THSD7B: variants seen among roughly 807,000 people sequenced by gnomAD.
THSD7B encodes thrombospondin type 1 domain containing 7B.
In THSD7B, 138 loss-of-function variants were observed where a neutral mutation model predicts 213.6. The observed-to-expected ratio is 0.65, with a 90% CI of 0.56 to 0.74. The LOEUF (loss-of-function observed/expected upper bound fraction) is 0.74, where lower values mean the gene tolerates loss of function less well. THSD7B is among the 30% of genes least tolerant of loss of function. The pLI is 0.00. For synonymous variants in THSD7B, 742 were observed against 687.0 expected, an observed-to-expected ratio of 1.08 and a Z score of -1.25; for missense variants, 1,931 against 1,991.5, an observed-to-expected ratio of 0.97 and a Z score of 0.58.
At chr2:137,340,013 T>C (rs1342603509) in intron 12 of THSD7B, among the ~76,000 whole-genome samples, 1 of 151,826 alleles carries the variant, frequency 6.6e-6, no homozygotes, top group East Asian at 1.9e-4. Context: ...AGGATTGTTT[T>C]GATATGGAAA....
chr2:136,794,839 C>T (rs1682033161), intron 1 of THSD7B, among the ~76,000 whole-genome samples: 1 of 151,626 alleles, frequency 6.6e-6, no homozygotes, highest in Admixed American at 6.6e-5. Flanking sequence ...TATTTTTTTC[C>T]CTCAGATTAA....
intron 12 of THSD7B, among the ~76,000 whole-genome samples, chr2:137,405,198 C>CAAAAAAAAAAAAAAAA (rs34776165): frequency 7.1e-6 from 1 of 140,316 alleles, no homozygotes; most frequent in Non-Finnish European, 1.5e-5. Context: ...TCTAAACAAG[C>CAAAAAAAAAAAAAAAA]AAAAAAAAAA....
intron 5 of THSD7B, among the ~76,000 whole-genome samples, chr2:137,151,482 TCTC>T (rs1679817377): frequency 1.3e-5 from 2 of 151,182 alleles, no homozygotes; most frequent in Admixed American, 1.3e-4. Flanking sequence ...GGAGCTGCTA[TCTC>T]CTCTGTTAAC....
chr2:137,543,017 A>G (rs1680637659), intron 15 of THSD7B, among the ~76,000 whole-genome samples: 1 of 151,758 alleles, frequency 6.6e-6, no homozygotes, highest in African/African-American at 2.4e-5. Flanking sequence ...GCTAAAGTCA[A>G]GGTGTTGGTA....
At chr2:137,396,872 G>T (rs994063135) in intron 12 of THSD7B, among the ~76,000 whole-genome samples, 5 of 151,354 alleles carry the variant, frequency 3.3e-5, no homozygotes, top group Non-Finnish European at 7.4e-5. Flanking sequence ...TATATATTTA[G>T]GATAGTTAGC....
intron 4 of THSD7B, among the ~76,000 whole-genome samples, chr2:137,095,453 C>T (rs1688023273): frequency 6.6e-6 from 1 of 152,160 alleles, no homozygotes; most frequent in South Asian, 2.1e-4. Flanking sequence ...CCTGACACAA[C>T]ACACCTAATT....
chr2:137,535,650 A>G (rs570007653), intron 15 of THSD7B, among the ~76,000 whole-genome samples: 2 of 151,904 alleles, frequency 1.3e-5, no homozygotes, highest in Non-Finnish European at 2.9e-5. Flanking sequence ...ACCTAGGAAC[A>G]TGACAGTCAA....
At chr2:136,991,886 A>G (rs538807571) in intron 2 of THSD7B, among the ~76,000 whole-genome samples, 9 of 152,304 alleles carry the variant, frequency 5.9e-5, no homozygotes, top group Admixed American at 5.2e-4. Context: ...GCCAAACTGC[A>G]ACTATTTGGT....
intron 12 of THSD7B, among the ~76,000 whole-genome samples, chr2:137,362,726 A>G (rs897897284): frequency 6.6e-6 from 1 of 152,218 alleles, no homozygotes; most frequent in Non-Finnish European, 1.5e-5. Context: ...GAGCACCCAG[A>G]TTCATAAAGC....
chr2:137,218,929 T>C (rs911965844), intron 7 of THSD7B, among the ~76,000 whole-genome samples: 2 of 152,128 alleles, frequency 1.3e-5, no homozygotes, highest in African/African-American at 4.8e-5. Context: ...AGTATTAGCT[T>C]CTATGCTGCC....
chr2:137,172,205 A>T (rs182407646), intron 7 of THSD7B, among the ~76,000 whole-genome samples: 1 of 152,216 alleles, frequency 6.6e-6, no homozygotes. Flanking sequence ...TTTTGTTTTC[A>T]TAGTTGGTCT....
chr2:137,564,254 G>A (rs990202286), intron 16 of THSD7B, among the ~76,000 whole-genome samples: 13 of 152,286 alleles, frequency 8.5e-5, no homozygotes, highest in African/African-American at 3.1e-4. Flanking sequence ...GCCTAGTTAT[G>A]TCATTGATTG....
chr2:137,345,369 GA>G (rs1424060958), intron 12 of THSD7B, among the ~76,000 whole-genome samples: 1 of 151,326 alleles, frequency 6.6e-6, no homozygotes, highest in African/African-American at 2.4e-5. Flanking sequence ...GAGACATAAG[GA>G]AAAAAATAAT....
intron 14 of THSD7B, among the ~76,000 whole-genome samples, chr2:137,425,787 A>G (rs1687041952): frequency 1.3e-5 from 2 of 152,190 alleles, no homozygotes; most frequent in African/African-American, 4.8e-5. Context: ...CCAGACAAGA[A>G]TGCTTATTCT....
intron 12 of THSD7B, among the ~76,000 whole-genome samples, chr2:137,330,823 C>G (rs1231933285): frequency 1.3e-5 from 2 of 152,124 alleles, no homozygotes. Context: ...CTGGCTCAGG[C>G]AGCCTGCTTT....
chr2:136,973,345 A>G (rs766163458), intron 2 of THSD7B, among the ~76,000 whole-genome samples: 22 of 152,256 alleles, frequency 1.4e-4, no homozygotes, highest in Non-Finnish European at 2.5e-4. Context: ...ATTCTTTCAT[A>G]TAGTCTACTG....
chr2:137,526,816 G>T (rs1004408292), intron 15 of THSD7B, among the ~76,000 whole-genome samples: 7 of 152,118 alleles, frequency 4.6e-5, no homozygotes, highest in Non-Finnish European at 1.0e-4. Flanking sequence ...GAATAAGAGG[G>T]TATTGGCCTA....
At chr2:136,869,857 A>G (rs914187107) in intron 1 of THSD7B, among the ~76,000 whole-genome samples, 13 of 152,218 alleles carry the variant, frequency 8.5e-5, no homozygotes, top group African/African-American at 3.1e-4. Flanking sequence ...AAAGATCATG[A>G]GGTCAGGAGT....
intron 15 of THSD7B, among the ~76,000 whole-genome samples, chr2:137,466,429 G>A (rs569120554): frequency 2.6e-5 from 4 of 152,168 alleles, no homozygotes; most frequent in South Asian, 2.1e-4. Flanking sequence ...GGCCCAGGAC[G>A]GCTTTAAATG....
Sources: allele counts gnomAD v4.1 joint callset (sites outside exome capture counted in the v4.1 genomes callset), GRCh38; gene constraint gnomAD v4.1.1; transcripts MANE v1.5; gene names NCBI Gene and HGNC (gene_info 2026-07-23, HGNC 2026-07-21).